The following FGF14 variants were observed in gnomAD, a reference collection of about 807,000 sequenced individuals.
FGF14 encodes the protein fibroblast growth factor homologous factor 4.
In FGF14, 5 loss-of-function variants were observed where a neutral mutation model predicts 25.5. That is an observed-to-expected ratio of 0.20 (90% CI 0.10 to 0.41). FGF14 has a LOEUF of 0.41. Ranked by LOEUF, FGF14 falls within the 10% of genes least tolerant of loss-of-function variation. The probability of loss-of-function intolerance (pLI) is 1.00; values close to 1 mark genes in which losing one functional copy is unlikely to be tolerated. For synonymous variants in FGF14, 138 were observed against 118.3 expected, an observed-to-expected ratio of 1.17 and a Z score of -1.08; for missense variants, 222 against 320.1, an observed-to-expected ratio of 0.69 and a Z score of 2.34.
chr13:102,269,481 G>A (rs368211375), intron 1 of FGF14, among the ~76,000 whole-genome samples: 2 of 152,188 alleles, frequency 1.3e-5, no homozygotes, highest in African/African-American at 4.8e-5. Context: ...GATGTAAGTA[G>A]GGATGTGGTG....
chr13:102,382,512 T>A (rs1302302933), intron 1 of FGF14, among the ~76,000 whole-genome samples: 1 of 152,120 alleles, frequency 6.6e-6, no homozygotes, highest in Non-Finnish European at 1.5e-5. Context: ...AGAACCCTCA[T>A]ACATTGCTAG....
In FGF14 at chr13:101,721,833, T is replaced by A. The variant is rs1379590591; in HGVS notation, c.*998A>T. On this transcript the variant is annotated 3_prime_UTR_variant, in exon 5 of 5. Coordinates refer to ENST00000376143, the MANE Select transcript of FGF14 (RefSeq NM_004115.4). The stretch of plus-strand genomic sequence containing the variant: ...GAAATGGATTTAGGTAGCGCAATTC[T>A]TGTAGGTTATAATTACTGATTTTCC... 6.6e-6 allele frequency: 1 copy of A among 150,938 alleles called. No individual in the cohort carries two copies. Among genetic ancestry groups the A allele is most frequent in the Non-Finnish European group, 1.5e-5 (1 of 67,762 alleles). 9.3% of individuals were successfully genotyped at this position (150,938 alleles called of 1,614,324 possible).
chr13:101,929,635 C>T (rs1011899514), intron 1 of FGF14, among the ~76,000 whole-genome samples: 1 of 152,160 alleles, frequency 6.6e-6, no homozygotes, highest in Non-Finnish European at 1.5e-5. Context: ...CTGACCTCTT[C>T]CCATGCTTTT....
chr13:101,743,767 A>C, intron 3 of FGF14, among the ~76,000 whole-genome samples: 1 of 152,246 alleles, frequency 6.6e-6, no homozygotes, highest in South Asian at 2.1e-4. Context: ...TTTTACCATA[A>C]GCTTATTTCA....
chr13:101,921,332 A>G (rs2033989145), upstream of FGF14, among the ~76,000 whole-genome samples: 2 of 152,184 alleles, frequency 1.3e-5, no homozygotes, highest in African/African-American at 4.8e-5. Flanking sequence ...TGAAACTTCT[A>G]CAAAGATGTC....
intron 1 of FGF14, among the ~76,000 whole-genome samples, chr13:102,290,031 G>C (rs545447677): frequency 3.4e-4 from 52 of 152,220 alleles, no homozygotes; most frequent in Admixed American, 2.8e-3. Flanking sequence ...TTTCTATTAA[G>C]TTCAGGATAT....
At chr13:102,026,271 T>C (rs2040922022) in intron 1 of FGF14, among the ~76,000 whole-genome samples, 1 of 152,032 alleles carries the variant, frequency 6.6e-6, no homozygotes, top group Admixed American at 6.6e-5. Context: ...ACAACAACAG[T>C]GCATTCTGGG....
chr13:102,040,321 AT>A (rs2041671533), intron 1 of FGF14, among the ~76,000 whole-genome samples: 3 of 152,046 alleles, frequency 2.0e-5, no homozygotes, highest in Admixed American at 2.0e-4. Flanking sequence ...AAATAATCAT[AT>A]TTGTCTTTTT....
At chr13:101,792,305 A>T (rs1289191786) in intron 3 of FGF14, among the ~76,000 whole-genome samples, 1 of 152,134 alleles carries the variant, frequency 6.6e-6, no homozygotes, top group Non-Finnish European at 1.5e-5. Context: ...ATTGCTTTGG[A>T]TTGCTGAAAC....
intron 3 of FGF14, among the ~76,000 whole-genome samples, chr13:101,841,331 A>G (rs545130741): frequency 1.3e-5 from 2 of 152,050 alleles, no homozygotes; most frequent in Non-Finnish European, 2.9e-5. Flanking sequence ...GAACTGAAAA[A>G]AGTAATCTCT....
intron 1 of FGF14, among the ~76,000 whole-genome samples, chr13:102,374,490 T>G (rs2057976087): frequency 6.6e-6 from 1 of 151,470 alleles, no homozygotes; most frequent in African/African-American, 2.4e-5. Context: ...GTGATTATGT[T>G]CAGCTGTGAA....
At chr13:102,175,602 C>A (rs2140710259) in intron 1 of FGF14, among the ~76,000 whole-genome samples, 1 of 152,020 alleles carries the variant, frequency 6.6e-6, no homozygotes, top group East Asian at 1.9e-4. Context: ...GAAAGGGCAC[C>A]TGCACAGCAC....
chr13:102,160,630 T>G (rs1470590075), intron 1 of FGF14, among the ~76,000 whole-genome samples: 3 of 151,982 alleles, frequency 2.0e-5, no homozygotes, highest in Non-Finnish European at 4.4e-5. Flanking sequence ...TCAGTCGGCT[T>G]TGGGAAGATA....
At chr13:101,733,567 C>G (rs2035956528) in intron 3 of FGF14, among the ~76,000 whole-genome samples, 1 of 142,894 alleles carries the variant, frequency 7.0e-6, no homozygotes, top group Non-Finnish European at 1.5e-5. Context: ...TGCACTCCAG[C>G]CTGGCGACAG....
chr13:101,952,556 G>A (rs1466159164), intron 1 of FGF14, among the ~76,000 whole-genome samples: 1 of 152,082 alleles, frequency 6.6e-6, no homozygotes. Context: ...CTTTCCTGTG[G>A]CTGTTTCCAT....
chr13:102,381,531 G>T (rs1260016626), intron 1 of FGF14, among the ~76,000 whole-genome samples: 1 of 152,144 alleles, frequency 6.6e-6, no homozygotes, highest in Non-Finnish European at 1.5e-5. Context: ...CTGGTGCATT[G>T]ATCTTGGACT....
At chr13:102,298,721 G>A (rs2054863423) in intron 1 of FGF14, among the ~76,000 whole-genome samples, 1 of 152,158 alleles carries the variant, frequency 6.6e-6, no homozygotes, top group African/African-American at 2.4e-5. Flanking sequence ...GATTAGTTAA[G>A]TGGCTTCTTA....
intron 1 of FGF14, among the ~76,000 whole-genome samples, chr13:102,343,217 G>C (rs1343852854): frequency 6.6e-6 from 1 of 152,152 alleles, no homozygotes; most frequent in African/African-American, 2.4e-5. Flanking sequence ...AGAGCTTAGG[G>C]TCTAAGAGAG....
chr13:102,294,999 A>G (rs954592278), intron 1 of FGF14, among the ~76,000 whole-genome samples: 9 of 152,206 alleles, frequency 5.9e-5, no homozygotes, highest in Non-Finnish European at 8.8e-5. Context: ...AAAATATTTT[A>G]AAATACCTAC....
Sources: gnomAD v4.1 joint callset for allele counts (sites outside exome capture counted in the v4.1 genomes callset) on GRCh38, gnomAD v4.1.1 for gene constraint, MANE v1.5 for transcripts, NCBI Gene and HGNC (gene_info 2026-07-23, HGNC 2026-07-21) for gene names.